Variants in MZT2B observed in about 807,000 individuals in gnomAD.
The protein encoded by MZT2B is mitotic spindle organizing protein 2B.
MZT2B carries 11 observed loss-of-function variants against 12.1 expected under a neutral mutation model. The ratio of observed to expected loss-of-function variants is 0.91; its 90% CI spans 0.57 to 1.50. The LOEUF is 1.50. Ranked by LOEUF, MZT2B falls within the 40% of genes most tolerant of loss-of-function variation. MZT2B has a pLI of 0.00. For missense variants in MZT2B, 209 were observed against 227.7 expected (o/e 0.92, Z 0.53); for synonymous variants, 85 against 109.5 (o/e 0.78, Z 1.40).
chr2:130,190,429 G>T, intron 2 of MZT2B, 40 bp from the exon 3 acceptor site: 1 of 1,605,122 alleles, frequency 6.2e-7, no homozygotes. Context: ...CAGTTACGGG[G>T]CACGCCCATT....
At chr2:130,184,288 A>G (rs1287788906) in intron 2 of MZT2B, 1 of 985,084 alleles carries the variant, frequency 1.0e-6, no homozygotes. Context: ...TGTGCTGGAG[A>G]GCACAGCCCC....
At chr2:130,189,599 G>A (rs535547858) in intron 2 of MZT2B, among the ~76,000 whole-genome samples, 8 of 152,302 alleles carry the variant, frequency 5.3e-5, no homozygotes, top group Middle Eastern at 6.8e-3. Flanking sequence ...GGGGGTCTGT[G>A]ACCCCACGGG....
chr2:130,183,370 G>T (rs547353312), intron 2 of MZT2B, among the ~76,000 whole-genome samples: 1 of 152,178 alleles, frequency 6.6e-6, no homozygotes, highest in African/African-American at 2.4e-5. Context: ...ACTGCAGGAA[G>T]AGAGTCAGAC....
At chr2:130,192,220 T>C (rs1690281864), downstream of MZT2B, 3 of 1,512,204 alleles carry the variant, frequency 2.0e-6, no homozygotes, top group East Asian at 6.8e-5. Flanking sequence ...ACCCTGTAGG[T>C]GACACGGAGA....
chr2:130,182,617 T>A lies in MZT2B; in HGVS notation c.171-10T>A. 1 of 1,543,230 alleles carries A rather than the reference T, an allele frequency of 6.5e-7. No homozygotes were observed. The highest frequency in any genetic ancestry group is 8.7e-7 in the Non-Finnish European group (1 of 1,145,116). On this transcript the variant is annotated splice_polypyrimidine_tract_variant and intron_variant, in intron 1 of 2. Coordinates refer to ENST00000281871, the MANE Select transcript of MZT2B (RefSeq NM_025029.5). ...AGAGGGCTCACCGGCCCCGCGTCTG[T>A]CCCCGCCAGGATCCTGGTGGACCTG... is the stretch of plus-strand genomic sequence containing the variant.
chr2:130,204,100 T>G, the MZT2B span: 25 of 1,290,918 alleles, frequency 1.9e-5, 1 homozygote, highest in South Asian at 3.1e-4. Flanking sequence ...TAATATAGTG[T>G]AAGACTAAAT....
intron 2 of MZT2B, among the ~76,000 whole-genome samples, chr2:130,186,497 C>A (rs1286803571): frequency 6.6e-6 from 1 of 152,218 alleles, no homozygotes; most frequent in Non-Finnish European, 1.5e-5. Flanking sequence ...CCAGAGCATG[C>A]ATGTAAGATG....
downstream of MZT2B, chr2:130,192,026 C>T (rs751904806): frequency 1.2e-5 from 19 of 1,614,158 alleles, no homozygotes; most frequent in Non-Finnish European, 1.6e-5. Flanking sequence ...GGGCCCAGGC[C>T]TCCGCAATGG....
chr2:130,193,606 C>CAAA (rs34918027), downstream of MZT2B, among the ~76,000 whole-genome samples: 2 of 95,060 alleles, frequency 2.1e-5, no homozygotes, highest in African/African-American at 4.0e-5. Flanking sequence ...AAGACTGTCT[C>CAAA]AAAAAAAAAA....
rs1690177048 is a variant in MZT2B, at chr2:130,189,369, T to C, written c.320-1100T>C. Among the ~76,000 whole-genome samples the C allele has an allele frequency of 2.6e-5, 4 of 152,314 alleles. No homozygotes were observed. The South Asian group carries it at 8.3e-4, about 32-fold the overall frequency. ...AAACGTGTATCAGTGTCTGGTAACATGCAAGCCCCAGCCAGGGTTTGAGCC... is the reference window on the plus strand; with the variant it reads ...AAACGTGTATCAGTGTCTGGTAACACGCAAGCCCCAGCCAGGGTTTGAGCC... On this transcript the variant is annotated intron_variant, in intron 2 of 2. Coordinates refer to ENST00000281871, the MANE Select transcript of MZT2B (RefSeq NM_025029.5).
intron 2 of MZT2B, chr2:130,184,125 G>A (rs779633949): frequency 4.6e-6 from 7 of 1,515,026 alleles, no homozygotes; most frequent in South Asian, 1.3e-5. Context: ...TTTCTGACTC[G>A]GTTTATTAGA....
chr2:130,196,177 C>T, the MZT2B span: 1 of 1,613,942 alleles, frequency 6.2e-7, no homozygotes, highest in Non-Finnish European at 8.5e-7. Flanking sequence ...GGTCCACAAA[C>T]ACTGCTCTGG....
intron 2 of MZT2B, chr2:130,183,724 G>C (rs1189384862): frequency 6.5e-7 from 1 of 1,550,340 alleles, no homozygotes; most frequent in Non-Finnish European, 8.7e-7. Flanking sequence ...GGGCACCTGC[G>C]TGCTGGCCTC....
chr2:130,193,749 C>CT, downstream of MZT2B: 2 of 1,569,616 alleles, frequency 1.3e-6, no homozygotes, highest in Admixed American at 1.8e-5. Flanking sequence ...TGTGCATCTG[C>CT]TGCTTGCTGA....
At chr2:130,200,313 C>T in the MZT2B span, among the ~76,000 whole-genome samples, 5 of 151,872 alleles carry the variant, frequency 3.3e-5, no homozygotes, top group South Asian at 1.0e-3. Flanking sequence ...ATGGCATGAA[C>T]CCGGGAGGTG....
chr2:130,183,631 C>A (rs780252767), intron 2 of MZT2B: 86 of 1,292,878 alleles, frequency 6.7e-5, no homozygotes, highest in Non-Finnish European at 8.5e-5. Context: ...CACAGGCATC[C>A]TGAGAAGGCG....
the MZT2B span, among the ~76,000 whole-genome samples, chr2:130,198,799 C>T: frequency 1.6e-4 from 20 of 123,568 alleles, 5 homozygotes; most frequent in African/African-American, 4.9e-4. Context: ...ACAAGGCCAC[C>T]TCTGAGAGGC....
At chr2:130,197,768 G>T in the MZT2B span, among the ~76,000 whole-genome samples, 150 of 122,936 alleles carry the variant, frequency 1.2e-3, 34 homozygotes, top group Non-Finnish European at 1.6e-3. Context: ...CACCATGCCC[G>T]GGTAATTTTA....
downstream of MZT2B, chr2:130,194,271 T>G: frequency 6.5e-7 from 1 of 1,543,466 alleles, no homozygotes; most frequent in Non-Finnish European, 8.9e-7. Context: ...GTCGTGTGGG[T>G]GGTTAGGATG....
Sources: allele counts gnomAD v4.1 joint callset (sites outside exome capture counted in the v4.1 genomes callset), GRCh38; gene constraint gnomAD v4.1.1; transcripts MANE v1.5; gene names NCBI Gene and HGNC (gene_info 2026-07-23, HGNC 2026-07-21).